The following TAB2 variants were observed in gnomAD, a reference collection of about 807,000 sequenced individuals.
The protein encoded by TAB2 is TGF-beta-activated kinase 1 and MAP3K7-binding protein 2.
TAB2 carries 3 observed loss-of-function variants against 65.0 expected under a neutral mutation model. The ratio of observed to expected loss-of-function variants is 0.05; its 90% CI spans 0.02 to 0.12. The LOEUF (loss-of-function observed/expected upper bound fraction) is 0.12, where lower values mean the gene tolerates loss of function less well. Ranked by LOEUF, TAB2 falls within the 10% of genes least tolerant of loss-of-function variation. TAB2 has a pLI of 1.00. For missense variants in TAB2, 623 were observed against 840.3 expected (o/e 0.74, Z 3.20); for synonymous variants, 298 against 285.1 (o/e 1.05, Z -0.46).
chr6:149,396,030 G>A (rs779394862), intron 3 of TAB2, among the ~76,000 whole-genome samples: 8 of 151,156 alleles, frequency 5.3e-5, no homozygotes, highest in South Asian at 2.1e-4. Context: ...CCCCCTACCC[G>A]CCCCCGAGTT....
chr6:149,292,244 G>A (rs894170169), intron 1 of TAB2, among the ~76,000 whole-genome samples: 2 of 152,160 alleles, frequency 1.3e-5, no homozygotes. Flanking sequence ...GCTCTGTAAA[G>A]AGTAAATGGT....
intron 3 of TAB2, among the ~76,000 whole-genome samples, chr6:149,387,605 A>G (rs900373147): frequency 2.0e-5 from 3 of 152,122 alleles, no homozygotes; most frequent in African/African-American, 7.2e-5. Flanking sequence ...TTCTAAGTAA[A>G]TTTTAGAATC....
chr6:149,398,145 A>G (rs1562452881), intron 5 of TAB2, 83 bp downstream of exon 5: 5 of 1,136,714 alleles, frequency 4.4e-6, no homozygotes, highest in East Asian at 2.5e-5. Flanking sequence ...AGACTTATCA[A>G]TCATAATCTT....
At chr6:149,251,594 T>C (rs1395844257) in intron 1 of TAB2, among the ~76,000 whole-genome samples, 2 of 152,174 alleles carry the variant, frequency 1.3e-5, no homozygotes, top group Non-Finnish European at 2.9e-5. Context: ...GTCCTGTCAA[T>C]TTCGGAAGTC....
chr6:149,307,206 G>C lies in TAB2; in HGVS notation c.-120-70812G>C, dbSNP rs183869847. On this transcript the variant is annotated intron_variant, in intron 1 of 1. Transcript: ENST00000606202. ...TCTCACAAAAGACTGGGTTGAATTG[G>C]GAAATTTTTCTGCCACCTTAGCACA... Among the ~76,000 whole-genome samples, 42 of 151,436 alleles carry C rather than the reference G, an allele frequency of 2.8e-4. 1 individual carries two copies. In the East Asian group the frequency reaches 6.8e-3, roughly 24 times the overall value.
intron 1 of TAB2, among the ~76,000 whole-genome samples, chr6:149,263,846 G>A (rs560266905): frequency 7.2e-5 from 11 of 152,212 alleles, no homozygotes; most frequent in Non-Finnish European, 1.5e-4. Context: ...CTCACAGGCT[G>A]CCATCTCTGT....
chr6:149,399,200 A>C lies in TAB2; in HGVS notation c.1939+16A>C. The C allele has an allele frequency of 6.2e-7, 1 of 1,609,690 alleles. No individual in the cohort carries two copies. The highest frequency in any genetic ancestry group is 8.5e-7 in the Non-Finnish European group (1 of 1,176,352). On this transcript the variant is annotated intron_variant, in intron 6 of 6. Transcript: ENST00000637181. ...AAACCCAAAGGTTAGTGTATCCATT[A>C]AATGTGAAAACTGTTACTTTTGAAA... is the stretch of plus-strand genomic sequence containing the variant.
chr6:149,317,604 G>A (rs944785941), upstream of TAB2: 8 of 157,698 alleles, frequency 5.1e-5, no homozygotes, highest in African/African-American at 1.9e-4. The surrounding 1 kb of genome is among the most constrained non-coding windows in gnomAD (Gnocchi z 4.7). Flanking sequence ...GCGAGAGCTG[G>A]GGGGGTGGGG....
At chr6:149,330,190 T>G (rs1413946965) in intron 1 of TAB2, among the ~76,000 whole-genome samples, 4 of 152,206 alleles carry the variant, frequency 2.6e-5, no homozygotes, top group African/African-American at 9.6e-5. Context: ...AGTTTACCAT[T>G]GTATGGATAT....
intron 1 of TAB2, among the ~76,000 whole-genome samples, chr6:149,324,846 G>T (rs62426067): frequency 8.1e-6 from 1 of 123,364 alleles, no homozygotes; most frequent in African/African-American, 4.0e-5. Flanking sequence ...TTTTTTTTTG[G>T]AGTGCAGTGA....
At chr6:149,402,368 C>G (rs540602664) in intron 6 of TAB2, among the ~76,000 whole-genome samples, 1 of 151,976 alleles carries the variant, frequency 6.6e-6, no homozygotes, top group South Asian at 2.1e-4. Flanking sequence ...AAATTGATAT[C>G]ACCTATTAAA....
intron 1 of TAB2, among the ~76,000 whole-genome samples, chr6:149,312,638 C>G (rs1779184713): frequency 6.6e-6 from 1 of 152,260 alleles, no homozygotes; most frequent in Non-Finnish European, 1.5e-5. Context: ...GCTGGAATTA[C>G]AGGCATGAGC....
chr6:149,259,939 T>C (rs1778118050), intron 1 of TAB2, among the ~76,000 whole-genome samples: 1 of 152,172 alleles, frequency 6.6e-6, no homozygotes, highest in Non-Finnish European at 1.5e-5. Flanking sequence ...AAGAGTCAAA[T>C]AGATGCTGAC....
intron 1 of TAB2, among the ~76,000 whole-genome samples, chr6:149,294,025 C>A (rs960516280): frequency 1.3e-5 from 2 of 151,914 alleles, no homozygotes; most frequent in Non-Finnish European, 2.9e-5. Flanking sequence ...CTAAAAAAAA[C>A]CCTAAGAATT....
At position 149,410,495 on chromosome 6, in the gene TAB2, T is replaced by C. The variant is rs915242357; in HGVS notation, c.*776T>C. The stretch of plus-strand genomic sequence containing the variant: ...AGTAATTAAGCACGATCATGTCCCT[T>C]TTTAAGCCTTACCTGAGAGGAACAA... On this transcript the variant is annotated 3_prime_UTR_variant, in exon 7 of 7. Transcript: ENST00000637181. 1 of 152,660 alleles carries C rather than the reference T, an allele frequency of 6.6e-6. No homozygotes were observed. Among genetic ancestry groups the C allele is most frequent in the East Asian group, 1.9e-4 (1 of 5,206 alleles). 9.5% of individuals were successfully genotyped at this position (152,660 alleles called of 1,614,324 possible).
At chr6:149,353,640 GTA>G (rs1780561348) in intron 1 of TAB2, among the ~76,000 whole-genome samples, 1 of 152,168 alleles carries the variant, frequency 6.6e-6, no homozygotes. Flanking sequence ...ATATAAAGTC[GTA>G]TTCTGAGGAA....
intron 1 of TAB2, among the ~76,000 whole-genome samples, chr6:149,262,531 TAAA>T (rs11365916): frequency 2.1e-5 from 3 of 139,928 alleles, no homozygotes; most frequent in African/African-American, 2.6e-5. Flanking sequence ...AAACTCGGTC[TAAA>T]AAAAAAAAAA....
intron 1 of TAB2, among the ~76,000 whole-genome samples, chr6:149,269,435 T>G (rs577765334): frequency 6.6e-6 from 1 of 152,306 alleles, no homozygotes; most frequent in Non-Finnish European, 1.5e-5. Flanking sequence ...ATATTAAGGT[T>G]CAATTTACAG....
intron 3 of TAB2, among the ~76,000 whole-genome samples, chr6:149,382,882 G>A (rs1781663171): frequency 6.6e-6 from 1 of 152,162 alleles, no homozygotes; most frequent in South Asian, 2.1e-4. Flanking sequence ...GGCTGGGCAT[G>A]GTGGCTCATG....
Sources: allele counts gnomAD v4.1 joint callset (sites outside exome capture counted in the v4.1 genomes callset), GRCh38; gene constraint gnomAD v4.1.1; non-coding constraint Gnocchi (gnomAD v3.1); transcripts MANE v1.5; gene names NCBI Gene and HGNC (gene_info 2026-07-23, HGNC 2026-07-21).